The following DCC variants were observed in gnomAD, a reference collection of about 807,000 sequenced individuals.
The protein encoded by DCC is netrin receptor DCC.
In DCC, 58 loss-of-function variants were observed where a neutral mutation model predicts 172.5. The ratio of observed to expected loss-of-function variants is 0.34; its 90% CI spans 0.27 to 0.42. The LOEUF is 0.42. Ranked by LOEUF, DCC falls within the 10% of genes least tolerant of loss-of-function variation. DCC has a pLI of 1.00. For synonymous variants in DCC, 709 were observed against 644.5 expected (o/e 1.10, Z -1.52); for missense variants, 1,740 against 1,791.0 (o/e 0.97, Z 0.51).
intron 12 of DCC, among the ~76,000 whole-genome samples, chr18:53,222,497 G>C (rs1340766661): frequency 7.0e-6 from 1 of 143,804 alleles, no homozygotes; most frequent in African/African-American, 2.6e-5. Flanking sequence ...CAATTCTTCT[G>C]TCTCAGCCTC....
chr18:53,113,069 G>T (rs2043356802), intron 7 of DCC, among the ~76,000 whole-genome samples: 2 of 151,410 alleles, frequency 1.3e-5, no homozygotes, highest in Non-Finnish European at 3.0e-5. Context: ...AGTTTCTAGG[G>T]CTCCAGTGAT....
chr18:52,772,647 C>T (rs1006908388), intron 2 of DCC, among the ~76,000 whole-genome samples: 23 of 152,152 alleles, frequency 1.5e-4, no homozygotes, highest in African/African-American at 5.3e-4. Context: ...AGATAAGGTC[C>T]TGCCTTCAAG....
chr18:53,227,231 C>T (rs1221218850), intron 12 of DCC, among the ~76,000 whole-genome samples: 2 of 151,762 alleles, frequency 1.3e-5, no homozygotes, highest in Non-Finnish European at 1.5e-5. Flanking sequence ...CAGGTGTGAG[C>T]CACCATGTCT....
At chr18:52,987,074 G>C (rs557383523) in intron 5 of DCC, among the ~76,000 whole-genome samples, 11 of 152,072 alleles carry the variant, frequency 7.2e-5, no homozygotes, top group Admixed American at 6.6e-4. Flanking sequence ...CACTGGCCTC[G>C]GCCTCCCAAA....
intron 5 of DCC, among the ~76,000 whole-genome samples, chr18:52,942,068 C>A (rs1463220028): frequency 6.6e-6 from 1 of 152,184 alleles, no homozygotes; most frequent in African/African-American, 2.4e-5. Flanking sequence ...CAAGTGTGAG[C>A]CACTGCGCCT....
intron 5 of DCC, among the ~76,000 whole-genome samples, chr18:53,004,847 A>G (rs1568239422): frequency 6.6e-6 from 1 of 152,110 alleles, no homozygotes; most frequent in Non-Finnish European, 1.5e-5. Context: ...CTATTTTATC[A>G]TTGCTGTGGT....
intron 1 of DCC, among the ~76,000 whole-genome samples, chr18:52,628,103 A>G (rs539880738): frequency 3.3e-5 from 5 of 152,194 alleles, no homozygotes; most frequent in South Asian, 4.2e-4. Context: ...CTATTTCCAC[A>G]TTTGAGATGG....
intron 1 of DCC, among the ~76,000 whole-genome samples, chr18:52,342,442 T>A (rs905856360): frequency 1.1e-4 from 11 of 100,160 alleles, no homozygotes; most frequent in African/African-American, 4.4e-4. Flanking sequence ...CAACAATTAC[T>A]CTCGCAAAAG....
intron 2 of DCC, among the ~76,000 whole-genome samples, chr18:52,831,759 C>T (rs1299305888): frequency 3.9e-5 from 6 of 152,018 alleles, no homozygotes; most frequent in Admixed American, 3.9e-4. Context: ...AAGATGTTGC[C>T]TTGGCAGATA....
intron 5 of DCC, among the ~76,000 whole-genome samples, chr18:52,967,827 T>A (rs74889761): frequency 5.9e-5 from 9 of 152,172 alleles, no homozygotes. Flanking sequence ...AGGGACAGGA[T>A]TTTTTGGCAA....
At chr18:53,487,229 G>A (rs963163354) in intron 26 of DCC, among the ~76,000 whole-genome samples, 3 of 152,136 alleles carry the variant, frequency 2.0e-5, no homozygotes, top group Non-Finnish European at 4.4e-5. Flanking sequence ...AAACAATGAT[G>A]TGATGGGTAC....
At chr18:52,966,276 A>T (rs2040928905) in intron 5 of DCC, among the ~76,000 whole-genome samples, 1 of 152,198 alleles carries the variant, frequency 6.6e-6, no homozygotes, top group African/African-American at 2.4e-5. Context: ...TCACTTTCCA[A>T]AAATGAGCAG....
chr18:53,501,706 C>T lies in DCC; in HGVS notation c.4111+2196C>T, dbSNP rs149301057. Among the ~76,000 whole-genome samples the T allele has an allele frequency of 3.2e-3, 487 of 152,260 alleles. 3 individuals carry two copies. The highest frequency in any genetic ancestry group is 0.024 in the Middle Eastern group (7 of 294). ...GAATAAAACAGCTGAAAATGACATT[C>T]TGGAGGCTACTATGGCTACTTTAAA... On this transcript the variant is annotated intron_variant, in intron 27 of 28. Transcript: ENST00000442544.
intron 9 of DCC, among the ~76,000 whole-genome samples, chr18:53,193,111 A>G (rs1217706025): frequency 6.6e-6 from 1 of 152,152 alleles, no homozygotes; most frequent in Admixed American, 6.6e-5. Flanking sequence ...TGATATCTCA[A>G]CACTCATCTG....
At chr18:52,574,448 T>G (rs1242058358) in intron 1 of DCC, among the ~76,000 whole-genome samples, 1 of 152,202 alleles carries the variant, frequency 6.6e-6, no homozygotes, top group African/African-American at 2.4e-5. Flanking sequence ...CCATTTTCCT[T>G]AAGGCCACTG....
chr18:52,628,282 T>C (rs1321718273), intron 1 of DCC, among the ~76,000 whole-genome samples: 1 of 152,198 alleles, frequency 6.6e-6, no homozygotes, highest in African/African-American at 2.4e-5. Context: ...TCTGTTATGA[T>C]TAAATTTTCA....
At chr18:52,869,225 A>C (rs1291389866) in intron 2 of DCC, among the ~76,000 whole-genome samples, 1 of 152,206 alleles carries the variant, frequency 6.6e-6, no homozygotes, top group Non-Finnish European at 1.5e-5. Context: ...AGACAAGTGG[A>C]GGGTGAGCAA....
At chr18:53,179,693 C>T (rs963505414) in intron 9 of DCC, among the ~76,000 whole-genome samples, 1 of 152,050 alleles carries the variant, frequency 6.6e-6, no homozygotes, top group African/African-American at 2.4e-5. Flanking sequence ...GCTGAATGTT[C>T]TTTGACCAAT....
chr18:53,398,749 C>G (rs924799336), intron 18 of DCC, among the ~76,000 whole-genome samples: 2 of 152,048 alleles, frequency 1.3e-5, no homozygotes, highest in Admixed American at 1.3e-4. Context: ...AACCGCCTAG[C>G]CTTGTAGGGA....
Sources: allele counts gnomAD v4.1 joint callset (sites outside exome capture counted in the v4.1 genomes callset), GRCh38; gene constraint gnomAD v4.1.1; transcripts MANE v1.5; gene names NCBI Gene and HGNC (gene_info 2026-07-23, HGNC 2026-07-21).